COBL: variants seen among roughly 807,000 people sequenced by gnomAD.
The protein encoded by COBL is protein cordon-bleu.
Under a neutral mutation model 98.8 loss-of-function variants are expected in COBL, and 51 were observed. That is an observed-to-expected ratio of 0.52 (90% CI 0.41 to 0.65). The LOEUF is 0.65. Among genes scored for constraint, COBL ranks in the 30% least tolerant of loss-of-function variants. COBL has a pLI of 0.00. For synonymous variants in COBL, 634 were observed against 651.7 expected, an observed-to-expected ratio of 0.97 and a Z score of 0.41; for missense variants, 1,617 against 1,617.5, an observed-to-expected ratio of 1.00 and a Z score of 0.01.
At chr7:51,104,492 A>G (rs554812119) in intron 6 of COBL, among the ~76,000 whole-genome samples, 1 of 152,300 alleles carries the variant, frequency 6.6e-6, no homozygotes, top group Non-Finnish European at 1.5e-5. Flanking sequence ...TCTGTGCCTC[A>G]ATTTCTCCAT....
Position 51,233,527 on chromosome 7 carries a change from C to T in COBL, c.42-13583G>A, listed in dbSNP as rs531019363. Among the ~76,000 whole-genome samples, 5 of 152,302 alleles carry T rather than the reference C, an allele frequency of 3.3e-5. No individual in the cohort carries two copies. The East Asian group carries it at 5.8e-4, about 18-fold the overall frequency. ...CTAAGACAAAAACTGCAGAGCGAGA[C>T]GTGAGACAGCAGGCCGTGCGCTCTG... On this transcript the variant is annotated intron_variant, in intron 1 of 12. Coordinates refer to ENST00000265136, the MANE Select transcript of COBL (RefSeq NM_015198.5).
chr7:51,137,800 A>G (rs1799381767), intron 5 of COBL, among the ~76,000 whole-genome samples: 1 of 152,160 alleles, frequency 6.6e-6, no homozygotes, highest in African/African-American at 2.4e-5. Flanking sequence ...AACCTTCCTG[A>G]GACAATGAAT....
intron 12 of COBL, among the ~76,000 whole-genome samples, chr7:51,024,804 G>C (rs1395629705): frequency 6.6e-6 from 1 of 152,184 alleles, no homozygotes; most frequent in African/African-American, 2.4e-5. Context: ...AGAAACTGTG[G>C]GTTAGGGTGG....
At chr7:51,126,480 AG>A (rs1798217327) in intron 6 of COBL, among the ~76,000 whole-genome samples, 1 of 152,156 alleles carries the variant, frequency 6.6e-6, no homozygotes, top group South Asian at 2.1e-4. Context: ...ACTGGCTCCT[AG>A]CCCCACCAAA....
At chr7:51,100,603 T>C (rs913735271) in intron 6 of COBL, among the ~76,000 whole-genome samples, 1 of 152,162 alleles carries the variant, frequency 6.6e-6, no homozygotes, top group African/African-American at 2.4e-5. Flanking sequence ...AAGGAGGGCA[T>C]AGAAGCAGCT....
intron 7 of COBL, 29 bp downstream of exon 7, chr7:51,085,137 A>G (rs1419151873): frequency 5.0e-6 from 8 of 1,613,292 alleles, no homozygotes; most frequent in Non-Finnish European, 5.9e-6. Flanking sequence ...GCATCCCCGC[A>G]TGCAGACGGC....
intron 6 of COBL, among the ~76,000 whole-genome samples, chr7:51,096,930 C>T (rs1795320093): frequency 6.6e-6 from 1 of 152,114 alleles, no homozygotes; most frequent in African/African-American, 2.4e-5. Flanking sequence ...AGAACAAATA[C>T]AAATTCTTTT....
At chr7:51,175,598 C>T (rs1788291840) in intron 5 of COBL, among the ~76,000 whole-genome samples, 1 of 152,210 alleles carries the variant, frequency 6.6e-6, no homozygotes. Flanking sequence ...ATCTCTTGCT[C>T]AGGAAAGAAA....
At chr7:51,112,649 C>T (rs17554438) in intron 6 of COBL, among the ~76,000 whole-genome samples, 12,510 of 152,210 alleles carry the variant, frequency 0.082, 699 homozygotes, top group Middle Eastern at 0.19. Flanking sequence ...GGTCGGCTGT[C>T]CTTTGCACCT....
At chr7:51,070,392 A>AAAACACACACACACACACACAC (rs1792404068) in intron 7 of COBL, among the ~76,000 whole-genome samples, 1 of 138,930 alleles carries the variant, frequency 7.2e-6, no homozygotes, top group Admixed American at 7.4e-5. Flanking sequence ...AAACAGTTAA[A>AAAACACACACACACACACACAC]ACACACACAC....
Position 51,085,209 on chromosome 7 carries a change from G to A in COBL, c.1053C>T (p.Pro351=), listed in dbSNP as rs1442419061. The A allele has an allele frequency of 1.9e-6, 3 of 1,614,018 alleles. No individual in the cohort carries two copies. The highest frequency in any genetic ancestry group is 2.2e-5 in the East Asian group (1 of 44,874). Residue 351 remains proline (P), a synonymous_variant, in exon 7 of 13, where the codon CCC becomes CCT. Transcript: ENST00000265136. ...PQPPPPSPLI[P]NRTEDKEENR... Reference sequence around the variant, plus strand: ...TCTCCTCCTTATCCTCAGTGCGGTTGGGGATCAGGGGACTCGGTGGTGGTG... The same window carrying A: ...TCTCCTCCTTATCCTCAGTGCGGTTAGGGATCAGGGGACTCGGTGGTGGTG...
intron 5 of COBL, among the ~76,000 whole-genome samples, chr7:51,166,201 T>C (rs1185813625): frequency 6.6e-6 from 1 of 150,892 alleles, no homozygotes; most frequent in Admixed American, 6.6e-5. Context: ...TAAACAAAAT[T>C]GACAAACCTT....
chr7:51,270,256 T>C (rs1270501481), intron 1 of COBL, among the ~76,000 whole-genome samples: 1 of 152,142 alleles, frequency 6.6e-6, no homozygotes, highest in South Asian at 2.1e-4. Flanking sequence ...GGCCCAAATA[T>C]AGCAAAACTC....
chr7:51,159,003 G>A (rs1351478119), intron 5 of COBL, among the ~76,000 whole-genome samples: 4 of 152,166 alleles, frequency 2.6e-5, no homozygotes, highest in Non-Finnish European at 5.9e-5. Context: ...GGGACTGCCA[G>A]TGTGTGGGAC....
intron 1 of COBL, among the ~76,000 whole-genome samples, chr7:51,299,991 G>A (rs1801778045): frequency 6.6e-6 from 1 of 152,136 alleles, no homozygotes; most frequent in African/African-American, 2.4e-5. Context: ...GACCACACCT[G>A]GACTAGTGCT....
intron 5 of COBL, among the ~76,000 whole-genome samples, chr7:51,148,891 T>C (rs954488008): frequency 9.2e-5 from 14 of 152,040 alleles, no homozygotes; most frequent in African/African-American, 3.4e-4. Flanking sequence ...ACTCTGTGTG[T>C]GTGTAAACAT....
chr7:51,083,146 G>A (rs1346319085), intron 7 of COBL: 1 of 1,508,638 alleles, frequency 6.6e-7, no homozygotes, highest in Non-Finnish European at 8.8e-7. Context: ...GAGGAGGGTA[G>A]GGCGGGGGTG....
chr7:51,020,360 G>A (rs540141544), intron 12 of COBL, among the ~76,000 whole-genome samples: 2 of 152,288 alleles, frequency 1.3e-5, no homozygotes, highest in Non-Finnish European at 1.5e-5. Flanking sequence ...GTCAATAGCA[G>A]ACCCCGCACC....
chr7:51,300,982 G>A (rs914799524), intron 1 of COBL, among the ~76,000 whole-genome samples: 3 of 152,132 alleles, frequency 2.0e-5, no homozygotes, highest in Non-Finnish European at 1.5e-5. Context: ...GGGGTTAACC[G>A]CTCCATCAGC....
Sources: gnomAD v4.1 joint callset for allele counts (sites outside exome capture counted in the v4.1 genomes callset) on GRCh38, gnomAD v4.1.1 for gene constraint, MANE v1.5 for transcripts, NCBI Gene and HGNC (gene_info 2026-07-23, HGNC 2026-07-21) for gene names.